The following PSD3 variants were observed in gnomAD, a reference collection of about 807,000 sequenced individuals.
PSD3 encodes the protein PH and SEC7 domain-containing protein 3.
A neutral mutation model predicts 105.5 loss-of-function variants in PSD3; 49 were observed. The ratio of observed to expected loss-of-function variants is 0.46; its 90% CI spans 0.37 to 0.59. The LOEUF (loss-of-function observed/expected upper bound fraction) is 0.59, where lower values mean the gene tolerates loss of function less well. Among genes scored for constraint, PSD3 ranks in the 20% least tolerant of loss-of-function variants. The pLI, the probability that PSD3 is intolerant of heterozygous loss-of-function variation, is 0.00. For missense variants in PSD3, 1,561 were observed against 1,263.8 expected, an observed-to-expected ratio of 1.24 and a Z score of -3.57; for synonymous variants, 557 against 457.8, an observed-to-expected ratio of 1.22 and a Z score of -2.77.
At chr8:19,015,782 T>G (rs2129475658), upstream of PSD3, among the ~76,000 whole-genome samples, 1 of 152,346 alleles carries the variant, frequency 6.6e-6, no homozygotes, top group East Asian at 1.9e-4. Flanking sequence ...TAAGGAAAGC[T>G]CCTGGCCTAT....
chr8:18,811,689 C>G (rs1415077890), intron 4 of PSD3, among the ~76,000 whole-genome samples: 1 of 151,982 alleles, frequency 6.6e-6, no homozygotes, highest in African/African-American at 2.4e-5. Flanking sequence ...CATTCCAAGC[C>G]CAGAGAAGGC....
chr8:18,684,062 A>T (rs1585611027), intron 9 of PSD3: 1 of 612,822 alleles, frequency 1.6e-6, no homozygotes, highest in Admixed American at 2.5e-5. Context: ...GATCCGCGTT[A>T]GCTTAAGAAG....
intron 9 of PSD3, among the ~76,000 whole-genome samples, chr8:18,741,447 T>C (rs1027327974): frequency 1.6e-4 from 24 of 152,046 alleles, no homozygotes; most frequent in African/African-American, 5.6e-4. Flanking sequence ...CAGTGGTCCA[T>C]GGGAGTAGCT....
At chr8:18,888,329 C>T (rs1818567168) in intron 2 of PSD3, among the ~76,000 whole-genome samples, 1 of 152,206 alleles carries the variant, frequency 6.6e-6, no homozygotes, top group Non-Finnish European at 1.5e-5. Flanking sequence ...CCAGCTTTAG[C>T]TTCCTTATCT....
At chr8:18,561,596 A>G (rs1279676564) in intron 14 of PSD3, among the ~76,000 whole-genome samples, 1 of 152,236 alleles carries the variant, frequency 6.6e-6, no homozygotes, top group Non-Finnish European at 1.5e-5. Flanking sequence ...CTCAAAGAAT[A>G]GAATTTAAGT....
At chr8:18,988,878 G>A (rs1402106902) in intron 1 of PSD3, among the ~76,000 whole-genome samples, 3 of 152,152 alleles carry the variant, frequency 2.0e-5, no homozygotes, top group South Asian at 2.1e-4. Context: ...AATAAAAAGC[G>A]TGTGTTTGTC....
intron 1 of PSD3, among the ~76,000 whole-genome samples, chr8:18,942,894 C>CA (rs1435769706): frequency 6.6e-6 from 1 of 152,146 alleles, no homozygotes; most frequent in East Asian, 1.9e-4. Flanking sequence ...TCCAGGATGA[C>CA]AGGTAACAAG....
rs768467272 is a variant in PSD3 at position 18,936,123 on chromosome 8, AC to A, written c.40del (p.Val14Ter). On this transcript the variant is annotated frameshift_variant, in exon 2 of 16. Coordinates refer to ENST00000327040, the MANE Select transcript of PSD3 (RefSeq NM_015310.4). LOFTEE classifies it high-confidence loss of function. ...CTGGGAATGTGCAGATGCATTGTTCACCCAAACAAATGTCTCTGCCTGCAAA... is the reference window on the plus strand; with the variant it reads ...CTGGGAATGTGCAGATGCATTGTTCACCAAACAAATGTCTCTGCCTGCAAA... ...RSAAAETFVW[V>X]NNASAHSQSV... is the part of the protein sequence containing the mutation. 1 of 1,612,370 alleles carries A rather than the reference AC, an allele frequency of 6.2e-7. No homozygotes were observed. Among genetic ancestry groups the A allele is most frequent in the South Asian group, 1.1e-5 (1 of 91,022 alleles).
intron 9 of PSD3, among the ~76,000 whole-genome samples, chr8:18,704,397 G>C (rs1801768823): frequency 6.6e-6 from 1 of 152,174 alleles, no homozygotes; most frequent in African/African-American, 2.4e-5. Context: ...GAGTGCAGTT[G>C]TGTGGTCTCG....
intron 4 of PSD3, among the ~76,000 whole-genome samples, chr8:18,822,253 T>A (rs370262446): frequency 6.6e-6 from 1 of 152,120 alleles, no homozygotes; most frequent in East Asian, 1.9e-4. Flanking sequence ...TTGTACATGA[T>A]ACAAAGAAAT....
At chr8:18,966,131 G>A (rs534390911) in intron 1 of PSD3, among the ~76,000 whole-genome samples, 1 of 152,314 alleles carries the variant, frequency 6.6e-6, no homozygotes, top group South Asian at 2.1e-4. Flanking sequence ...TCAGTAAAGA[G>A]TTGACTATAC....
chr8:18,743,952 C>T (rs1443613742), intron 9 of PSD3, among the ~76,000 whole-genome samples: 3 of 94,122 alleles, frequency 3.2e-5, no homozygotes, highest in Non-Finnish European at 6.6e-5. Flanking sequence ...AGTGCAAACT[C>T]TGTCTCTCAC....
chr8:18,678,584 G>A (rs1585594019), intron 9 of PSD3, among the ~76,000 whole-genome samples: 1 of 152,354 alleles, frequency 6.6e-6, no homozygotes, highest in South Asian at 2.1e-4. Context: ...GGCCTAAGTG[G>A]GCGGATCGCC....
intron 10 of PSD3, among the ~76,000 whole-genome samples, chr8:18,640,702 A>G (rs544506370): frequency 5.9e-5 from 9 of 152,280 alleles, no homozygotes; most frequent in Admixed American, 5.9e-4. Context: ...TTATAGCAGC[A>G]TGAGAATGGA....
At chr8:19,039,609 T>C (rs1791999555) in intron 1 of PSD3, among the ~76,000 whole-genome samples, 1 of 152,200 alleles carries the variant, frequency 6.6e-6, no homozygotes, top group Non-Finnish European at 1.5e-5. Flanking sequence ...GACAATATCA[T>C]GTCCCTCCCA....
intron 1 of PSD3, among the ~76,000 whole-genome samples, chr8:18,971,809 G>C (rs563891841): frequency 6.6e-6 from 1 of 151,860 alleles, no homozygotes; most frequent in Non-Finnish European, 1.5e-5. Flanking sequence ...GTTCAAGATC[G>C]GCCTGGCCAA....
At chr8:18,644,192 G>A (rs1042064597) in intron 10 of PSD3, among the ~76,000 whole-genome samples, 10 of 152,320 alleles carry the variant, frequency 6.6e-5, no homozygotes, top group African/African-American at 2.2e-4. Flanking sequence ...CCACAACTGT[G>A]GTTTGCTTTC....
chr8:18,551,500 A>T (rs1800766631), intron 15 of PSD3, among the ~76,000 whole-genome samples: 1 of 152,208 alleles, frequency 6.6e-6, no homozygotes, highest in Non-Finnish European at 1.5e-5. Context: ...AAGGTGCATC[A>T]TGCTTCAAGA....
intron 10 of PSD3, among the ~76,000 whole-genome samples, chr8:18,634,668 CT>C (rs1436392747): frequency 6.6e-6 from 1 of 152,100 alleles, no homozygotes; most frequent in Non-Finnish European, 1.5e-5. Context: ...GGTCAGTTAT[CT>C]TGTAGAATAT....
Sources: allele counts gnomAD v4.1 joint callset (sites outside exome capture counted in the v4.1 genomes callset), GRCh38; gene constraint gnomAD v4.1.1; transcripts MANE v1.5; gene names NCBI Gene and HGNC (gene_info 2026-07-23, HGNC 2026-07-21).